The following ZNF700 variants were observed in gnomAD, a reference collection of about 807,000 sequenced individuals.
ZNF700 encodes zinc finger protein 700.
In ZNF700, 38 loss-of-function variants were observed where a neutral mutation model predicts 65.3. The ratio of observed to expected loss-of-function variants is 0.58; its 90% CI spans 0.45 to 0.76. The LOEUF is 0.76. Among genes scored for constraint, ZNF700 ranks in the 30% least tolerant of loss-of-function variants. The probability of loss-of-function intolerance (pLI) is 0.00; values close to 1 mark genes in which losing one functional copy is unlikely to be tolerated. For missense variants in ZNF700, 857 were observed against 888.4 expected (o/e 0.96, Z 0.45); for synonymous variants, 285 against 290.4 (o/e 0.98, Z 0.19).
intron 1 of ZNF700, among the ~76,000 whole-genome samples, chr19:11,931,193 A>C (rs577558911): frequency 6.8e-6 from 1 of 147,890 alleles, no homozygotes; most frequent in Non-Finnish European, 1.5e-5. Flanking sequence ...AGACTGGGTG[A>C]CTTAAAGAAT....
Position 11,949,200 on chromosome 19 carries a change from C to G in ZNF700, c.1176C>G (p.Cys392Trp). The change falls in exon 4 of 4, where the codon TGC (cysteine) becomes TGG (tryptophan). Residue 392 changes from cysteine (C) to tryptophan (W), a missense_variant. Physicochemically the swap from Cys to Trp is radical, Grantham distance 215 (BLOSUM62 -2). Coordinates refer to ENST00000254321, the MANE Select transcript of ZNF700 (RefSeq NM_144566.3). ...KTHTGEKRYK[C>W]KQCGKAFNLS... The stretch of plus-strand genomic sequence containing the variant: ...ACACTGGAGAGAAACGCTATAAATG[C>G]AAGCAATGTGGTAAAGCCTTCAATC... 1 of 1,612,908 alleles carries G rather than the reference C, an allele frequency of 6.2e-7. No homozygotes were observed. The highest frequency in any genetic ancestry group is 8.5e-7 in the Non-Finnish European group (1 of 1,179,726).
intron 1 of ZNF700, among the ~76,000 whole-genome samples, chr19:11,940,837 C>A (rs944336992): frequency 6.6e-6 from 1 of 152,116 alleles, no homozygotes; most frequent in African/African-American, 2.4e-5. Context: ...ACGTCCCCCC[C>A]AGATTAGCTA....
At chr19:11,941,809 G>A (rs528263578) in intron 1 of ZNF700, among the ~76,000 whole-genome samples, 5 of 152,218 alleles carry the variant, frequency 3.3e-5, no homozygotes, top group South Asian at 2.1e-4. Context: ...CAGGGGAGGC[G>A]CCAAGAGCGA....
chr19:11,947,531 C>A lies in ZNF700; in HGVS notation c.208C>A (p.Gln70Lys). 1 of 1,613,116 alleles carries A rather than the reference C, an allele frequency of 6.2e-7. No homozygotes were observed. ...TATTTTAGGAAAAAAATGGAGTGAC[C>A]AGAACATTGAATATGAGTACCAAAA... ...LTSIGKKWSDQNIEYEYQNPR... is the reference protein window; with the variant it reads ...LTSIGKKWSDKNIEYEYQNPR... The change falls in exon 3 of 4, where the codon CAG becomes AAG. Residue 70 changes from glutamine (Q) to lysine (K), a missense_variant. Around this residue, in one of 3 missense-constraint regions of ZNF700, gnomAD observed 603 missense variants for 619.9 expected, o/e 0.97. Transcript: ENST00000254321.
At chr19:11,930,628 C>A (rs1972699081) in intron 1 of ZNF700, among the ~76,000 whole-genome samples, 1 of 148,232 alleles carries the variant, frequency 6.7e-6, no homozygotes, top group African/African-American at 2.6e-5. Context: ...ACCATTTGTC[C>A]CTGCTTTTTC....
At chr19:11,929,863 CTGCCT>C (rs1254105310) in intron 1 of ZNF700, among the ~76,000 whole-genome samples, 3 of 148,472 alleles carry the variant, frequency 2.0e-5, no homozygotes, top group Non-Finnish European at 2.9e-5. Context: ...AAAATCCTTT[CTGCCT>C]CTCCTCCTTT....
chr19:11,930,782 C>A (rs1339157897), intron 1 of ZNF700, among the ~76,000 whole-genome samples: 1 of 148,068 alleles, frequency 6.8e-6, no homozygotes. Flanking sequence ...TGGCATATCA[C>A]CTGAGGTCAG....
At chr19:11,940,631 C>T (rs1740960579) in intron 1 of ZNF700, among the ~76,000 whole-genome samples, 1 of 152,136 alleles carries the variant, frequency 6.6e-6, no homozygotes, top group Admixed American at 6.5e-5. Flanking sequence ...AGATTTATTG[C>T]AAAGAGCAAA....
rs913545427 is a variant in ZNF700 at position 11,930,233 on chromosome 19, G to A, written c.63+4960G>A. Among the ~76,000 whole-genome samples the A allele has an allele frequency of 2.0e-5, 3 of 148,620 alleles. 1 individual carries two copies. The highest frequency in any genetic ancestry group is 2.1e-4 in the South Asian group (1 of 4,790). ...CACATGGCCAATCAGCTAATTGGAT[G>A]TTGCTATTGAGGAAAAACAGAAATG... On this transcript the variant is annotated intron_variant, in intron 1 of 3. Coordinates refer to ENST00000254321, the MANE Select transcript of ZNF700 (RefSeq NM_144566.3).
chr19:11,940,679 G>A (rs1972867745), intron 1 of ZNF700, among the ~76,000 whole-genome samples: 1 of 152,190 alleles, frequency 6.6e-6, no homozygotes, highest in African/African-American at 2.4e-5. Flanking sequence ...GGACCCGAGT[G>A]GGTTGCCACT....
At chr19:11,937,042 T>A (rs1300610441) in intron 1 of ZNF700, among the ~76,000 whole-genome samples, 1 of 152,180 alleles carries the variant, frequency 6.6e-6, no homozygotes, top group Non-Finnish European at 1.5e-5. Flanking sequence ...GTTCCATTGG[T>A]CTATATATCT....
Position 11,925,249 on chromosome 19 carries a change from C to T in ZNF700, c.39C>T (p.Pro13=), listed in dbSNP as rs1972606478. 6.2e-7 allele frequency: 1 copy of T among 1,612,988 alleles called. No homozygotes were observed. The highest frequency in any genetic ancestry group is 8.5e-7 in the Non-Finnish European group (1 of 1,179,320). Residue 13 remains proline, a synonymous_variant, in exon 1 of 4, where the codon CCC becomes CCT. Coordinates refer to ENST00000254321, the MANE Select transcript of ZNF700 (RefSeq NM_144566.3). ...GTCACAGGAGCTGTAGAGAGGACCC[C>T]GGTACATCTGAAAGCCGGGAAATGG... ...CCSHRSCRED[P]GTSESREMDP...
chr19:11,946,692 A>G (rs1483424617), intron 1 of ZNF700: 2 of 152,564 alleles, frequency 1.3e-5, no homozygotes, highest in Admixed American at 6.5e-5. Flanking sequence ...ACAAAGTTCT[A>G]AGTTTTCCTG....
rs906331466 is a variant in ZNF700 at position 11,948,638 on chromosome 19, T to C, written c.614T>C (p.Phe205Ser). 5.6e-6 allele frequency: 9 copies of C among 1,611,016 alleles called. No homozygotes were observed. Among genetic ancestry groups the C allele is most frequent in the Non-Finnish European group, 7.6e-6 (9 of 1,179,376 alleles). The part of the protein sequence containing the change: ...ACKVCGKTFI[F>S]HSSIRRHMVM... ...AAAGTCTGTGGAAAAACCTTTATTT[T>C]CCATTCAAGCATTCGAAGACACATG... Residue 205 changes from phenylalanine to serine, a missense_variant, in exon 4 of 4, where the codon TTC becomes TCC. By Grantham distance (155) the Phe-to-Ser change is radical. Coordinates refer to ENST00000254321, the MANE Select transcript of ZNF700 (RefSeq NM_144566.3).
In ZNF700 at chr19:11,947,179, A is replaced by T; in HGVS notation, c.64-2A>T. The T allele has an allele frequency of 6.2e-7, 1 of 1,613,434 alleles. No homozygotes were observed. Among genetic ancestry groups the T allele is most frequent in the Non-Finnish European group, 8.5e-7 (1 of 1,179,826 alleles). On this transcript the variant is annotated splice_acceptor_variant, in intron 1 of 3. Transcript: ENST00000254321. LOFTEE classifies it high-confidence loss of function. ...TTCCTCTACACATGTGAGATGTTTC[A>T]GGACCCAGTGGCCTTTGAGGATGTG...
rs1441608845 is a variant in ZNF700 at position 11,948,992 on chromosome 19, G to A, written c.968G>A (p.Arg323Lys). 3 of 1,607,472 alleles carry A rather than the reference G, an allele frequency of 1.9e-6. No individual in the cohort carries two copies. In the Middle Eastern group the frequency reaches 5.0e-4, roughly 266 times the overall value. The change falls in exon 4 of 4, where the codon AGA (arginine) becomes AAA (lysine). Residue 323 changes from arginine to lysine, a missense_variant. By Grantham distance (26) the Arg-to-Lys change is conservative. This residue lies in a region of ZNF700 where 603 missense variants were observed against 619.9 expected (regional missense o/e 0.97). Coordinates refer to ENST00000254321, the MANE Select transcript of ZNF700 (RefSeq NM_144566.3). Reference protein sequence around the residue: ...KAFAYTSSLRRHERTHSGKKP... With the variant: ...KAFAYTSSLRKHERTHSGKKP... ...TTTGCATATACCAGTTCTCTTCGTAGACATGAAAGGACCCACTCTGGGAAA... is the reference window on the plus strand; with the variant it reads ...TTTGCATATACCAGTTCTCTTCGTAAACATGAAAGGACCCACTCTGGGAAA...
chr19:11,928,661 G>A (rs1382960192), intron 1 of ZNF700, among the ~76,000 whole-genome samples: 1 of 145,702 alleles, frequency 6.9e-6, no homozygotes, highest in African/African-American at 2.7e-5. Flanking sequence ...GAACCCGGGA[G>A]GCGGAGCTTG....
chr19:11,937,689 CATGT>C (rs1367518188), intron 1 of ZNF700, among the ~76,000 whole-genome samples: 2 of 151,840 alleles, frequency 1.3e-5, no homozygotes, highest in African/African-American at 2.4e-5. Flanking sequence ...GGGGTTTCAC[CATGT>C]TAGCCAGGAT....
chr19:11,950,188 C>G lies in ZNF700; in HGVS notation c.2164C>G (p.His722Asp). Residue 722 changes from histidine (H) to aspartate (D), a missense_variant, in exon 4 of 4, where the codon CAC (histidine) becomes GAC (aspartate). His to Asp is a moderately conservative substitution (Grantham distance 81, BLOSUM62 -1). This residue lies in a region of ZNF700 where 251 missense variants were observed against 250.3 expected (regional missense o/e 1.00). Coordinates refer to ENST00000254321, the MANE Select transcript of ZNF700 (RefSeq NM_144566.3). Reference sequence around the variant, plus strand: ...CAATTATTTTTCTTCCTTGCATATACACGCAAGGACTCATATGGGAGAGAA... The same window carrying G: ...CAATTATTTTTCTTCCTTGCATATAGACGCAAGGACTCATATGGGAGAGAA... Reference protein sequence around the residue: ...AFNYFSSLHIHARTHMGEKPY... With the variant: ...AFNYFSSLHIDARTHMGEKPY... The G allele has an allele frequency of 6.2e-7, 1 of 1,613,732 alleles. No homozygotes were observed. Among genetic ancestry groups the G allele is most frequent in the Non-Finnish European group, 8.5e-7 (1 of 1,179,830 alleles).
Sources: allele counts gnomAD v4.1 joint callset (sites outside exome capture counted in the v4.1 genomes callset), GRCh38; gene constraint gnomAD v4.1.1; regional missense constraint gnomAD v4.1.1; transcripts MANE v1.5; gene names NCBI Gene and HGNC (gene_info 2026-07-23, HGNC 2026-07-21).